The following CASK variants were observed in gnomAD, a reference collection of about 807,000 sequenced individuals.
The protein encoded by CASK is calcium/calmodulin dependent serine protein kinase, also known as peripheral plasma membrane protein CASK.
A neutral mutation model predicts 82.9 loss-of-function variants in CASK; 4 were observed. That is an observed-to-expected ratio of 0.05 (90% CI 0.02 to 0.11). The LOEUF (loss-of-function observed/expected upper bound fraction) is 0.11, where lower values mean the gene tolerates loss of function less well. Ranked by LOEUF, CASK falls within the 10% of genes least tolerant of loss-of-function variation. The probability of loss-of-function intolerance (pLI) is 1.00; values close to 1 mark genes in which losing one functional copy is unlikely to be tolerated. For synonymous variants in CASK, 259 were observed against 253.5 expected (o/e 1.02, Z -0.20); for missense variants, 358 against 720.9 (o/e 0.50, Z 5.76).
intron 2 of CASK, among the ~76,000 whole-genome samples, chrX:41,796,156 T>C (rs778368918): frequency 2.7e-5 from 3 of 112,411 alleles, no homozygotes; most frequent in Non-Finnish European, 5.6e-5. Context: ...TATGATATAA[T>C]AGATAGGGCA....
At chrX:41,543,844 A>G (rs1454295152) in intron 21 of CASK, among the ~76,000 whole-genome samples, 3 of 112,051 alleles carry the variant, frequency 2.7e-5, no homozygotes, top group Non-Finnish European at 5.6e-5. Context: ...GAACATTCCT[A>G]TTGTTCCATT....
chrX:41,667,795 A>C (rs748348453), intron 6 of CASK, among the ~76,000 whole-genome samples: 2 of 111,177 alleles, frequency 1.8e-5, no homozygotes, highest in Non-Finnish European at 3.8e-5. Flanking sequence ...CTCATAATTT[A>C]ACCTTTTCTT....
At chrX:41,750,024 T>C (rs1332309945) in intron 3 of CASK, among the ~76,000 whole-genome samples, 1 of 111,206 alleles carries the variant, frequency 9.0e-6, no homozygotes, top group Non-Finnish European at 1.9e-5. Context: ...ACCACAGATA[T>C]CAAACAAAAC....
intron 26 of CASK, among the ~76,000 whole-genome samples, chrX:41,520,835 A>C: frequency 8.9e-6 from 1 of 112,084 alleles, no homozygotes; most frequent in Non-Finnish European, 1.9e-5. Flanking sequence ...GACGAACCAG[A>C]GAAAACAGAT....
At chrX:41,520,641 G>A in intron 26 of CASK, 45 bp from the exon 27 acceptor site, 1 of 1,040,770 alleles carries the variant, frequency 9.6e-7, no homozygotes, top group African/African-American at 1.8e-5. Flanking sequence ...TGAGAGGAGG[G>A]AAAAGCAAAC....
rs4007745 is a variant in CASK, at chrX:41,854,224, GCACACA to G, written c.60-1003_60-998del. On this transcript the variant is annotated intron_variant, in intron 1 of 26. Coordinates refer to ENST00000378163, the MANE Select transcript of CASK (RefSeq NM_001367721.1). ...AACATGCGCGCGCGCGCGGGCGCGC[GCACACA>G]CACACACACACACACACACACACAC... 9.7e-3 allele frequency among the ~76,000 whole-genome samples: 789 copies of G among 81,716 alleles called. 12 individuals are homozygous for G. The highest frequency in any genetic ancestry group is 0.032 in the African/African-American group (697 of 21,742). 71.0% of individuals were successfully genotyped at this position (81,716 alleles called of 115,157 possible).
chrX:41,816,387 TGAG>T (rs752090991), intron 2 of CASK, among the ~76,000 whole-genome samples: 332 of 110,916 alleles, frequency 3.0e-3, no homozygotes, highest in Non-Finnish European at 3.8e-3. Flanking sequence ...AGAAAATGAA[TGAG>T]GATATAGAAA....
chrX:41,604,862 G>A (rs765492054), intron 12 of CASK, among the ~76,000 whole-genome samples: 1 of 112,172 alleles, frequency 8.9e-6, no homozygotes, highest in African/African-American at 3.2e-5. Context: ...AGAGTTTTCT[G>A]TATCAGTTTC....
chrX:41,558,894 G>A (rs1026533939), intron 18 of CASK: 2 of 111,733 alleles, frequency 1.8e-5, no homozygotes, highest in African/African-American at 6.5e-5. Context: ...GTTCTCCTAA[G>A]TACAAATCCA....
intron 25 of CASK, among the ~76,000 whole-genome samples, chrX:41,529,977 T>A (rs1352550882): frequency 1.8e-5 from 2 of 111,856 alleles, no homozygotes; most frequent in African/African-American, 6.5e-5. Context: ...GGGGACCAAG[T>A]CTCATACAGT....
intron 1 of CASK, among the ~76,000 whole-genome samples, chrX:41,898,496 C>A (rs1168512310): frequency 9.0e-6 from 1 of 110,640 alleles, no homozygotes; most frequent in Non-Finnish European, 1.9e-5. Flanking sequence ...TTAGTTTGTT[C>A]TTTTTCTAGT....
At chrX:41,765,268 C>T (rs1234161103) in intron 3 of CASK, among the ~76,000 whole-genome samples, 1 of 111,806 alleles carries the variant, frequency 8.9e-6, no homozygotes, top group Non-Finnish European at 1.9e-5. Flanking sequence ...CATATGAGTA[C>T]AGTTTTTTAA....
intron 12 of CASK, among the ~76,000 whole-genome samples, chrX:41,604,261 G>A (rs2065930568): frequency 9.6e-6 from 1 of 104,417 alleles, no homozygotes; most frequent in South Asian, 4.6e-4. Context: ...TGTTTACCCA[G>A]AACCTCAGAA....
chrX:41,526,679 C>CT (rs746295078), intron 25 of CASK, among the ~76,000 whole-genome samples: 21 of 111,197 alleles, frequency 1.9e-4, no homozygotes, highest in South Asian at 3.7e-4. Flanking sequence ...CCTTGATTTC[C>CT]TTTTTTTTGC....
chrX:41,872,485 C>T, intron 1 of CASK, among the ~76,000 whole-genome samples: 1 of 111,778 alleles, frequency 8.9e-6, no homozygotes, highest in Middle Eastern at 4.6e-3. Flanking sequence ...TACCTTACTA[C>T]CAAGAGGTCA....
intron 12 of CASK, 40 bp downstream of exon 12, chrX:41,609,864 A>C: frequency 1.7e-6 from 2 of 1,200,600 alleles, no homozygotes; most frequent in African/African-American, 3.5e-5. Flanking sequence ...GCCAATATTC[A>C]ATTCACCAAA....
chrX:41,770,535 C>T (rs773515006), intron 3 of CASK, among the ~76,000 whole-genome samples: 12 of 110,023 alleles, frequency 1.1e-4, no homozygotes, highest in Non-Finnish European at 1.3e-4. Flanking sequence ...TACAGGTGCT[C>T]GCCACCACGT....
At chrX:41,886,717 A>G (rs1348555494) in intron 1 of CASK, among the ~76,000 whole-genome samples, 1 of 111,910 alleles carries the variant, frequency 8.9e-6, no homozygotes, top group Non-Finnish European at 1.9e-5. Context: ...ATGAGAAGAT[A>G]TATCTTCTTT....
In CASK at chrX:41,559,802, G is replaced by A. The variant is rs1421702106; in HGVS notation, c.1714C>T (p.Arg572Cys). ...ACCTCACAGGACGAAGACTGAGTGC[G>A]GTAACTTGGCACAATCTTGAAGGTA... ...SITFKIVPSY[R>C]TQSSSCERDS... Residue 572 changes from arginine (R) to cysteine (C), a missense_variant, in exon 18 of 27, where the codon CGC becomes TGC. Transcript: ENST00000378163. The A allele has an allele frequency of 4.1e-6, 5 of 1,208,815 alleles. No homozygotes were observed. In the African/African-American group the frequency reaches 5.2e-5, roughly 13 times the overall value.
Sources: allele counts gnomAD v4.1 joint callset (sites outside exome capture counted in the v4.1 genomes callset), GRCh38; gene constraint gnomAD v4.1.1; transcripts MANE v1.5; gene names NCBI Gene and HGNC (gene_info 2026-07-23, HGNC 2026-07-21).